The following RHBDD1 variants were observed in gnomAD, a reference collection of about 807,000 sequenced individuals.
RHBDD1 encodes the protein rhomboid-related protein 4.
In RHBDD1, 38 loss-of-function variants were observed where a neutral mutation model predicts 36.3. The observed-to-expected ratio is 1.05, with a 90% confidence interval of 0.81 to 1.37. RHBDD1 has a LOEUF of 1.37. Ranked by LOEUF, RHBDD1 falls within the 40% of genes most tolerant of loss-of-function variation. The pLI, the probability that RHBDD1 is intolerant of heterozygous loss-of-function variation, is 0.00. For missense variants in RHBDD1, 393 were observed against 377.6 expected, an observed-to-expected ratio of 1.04 and a Z score of -0.34; for synonymous variants, 151 against 136.5, an observed-to-expected ratio of 1.11 and a Z score of -0.74.
intron 8 of RHBDD1, among the ~76,000 whole-genome samples, chr2:226,969,990 C>T (rs1953129954): frequency 2.9e-5 from 1 of 35,022 alleles, no homozygotes; most frequent in Non-Finnish European, 5.4e-5. Flanking sequence ...TTACAACTGT[C>T]CCCCCCCCCT....
intron 5 of RHBDD1, among the ~76,000 whole-genome samples, chr2:226,890,965 T>C (rs1049226999): frequency 6.6e-6 from 1 of 152,216 alleles, no homozygotes; most frequent in African/African-American, 2.4e-5. Context: ...ATTAGGATTC[T>C]GTTTCTCCCT....
At chr2:226,806,162 G>C in the RHBDD1 span, among the ~76,000 whole-genome samples, 2 of 151,812 alleles carry the variant, frequency 1.3e-5, no homozygotes. Context: ...AAACTGACTA[G>C]AAGATTAAGG....
intron 3 of RHBDD1, among the ~76,000 whole-genome samples, chr2:226,862,571 T>TC (rs1418437493): frequency 6.6e-6 from 1 of 152,186 alleles, no homozygotes; most frequent in Non-Finnish European, 1.5e-5. Flanking sequence ...AAAAGACTCT[T>TC]CCCTCCAAGC....
At chr2:226,854,686 C>A (rs1943151165) in intron 3 of RHBDD1, among the ~76,000 whole-genome samples, 1 of 151,462 alleles carries the variant, frequency 6.6e-6, no homozygotes, top group Non-Finnish European at 1.5e-5. Context: ...TCATTTGACT[C>A]CAGAGTCCAT....
At chr2:226,909,125 A>C (rs1375901081) in intron 7 of RHBDD1, among the ~76,000 whole-genome samples, 5 of 152,080 alleles carry the variant, frequency 3.3e-5, no homozygotes, top group African/African-American at 9.7e-5. Context: ...GATTGGTATG[A>C]GGTCTCTCAT....
At chr2:226,918,187 T>G (rs1949050921) in intron 8 of RHBDD1, among the ~76,000 whole-genome samples, 2 of 152,056 alleles carry the variant, frequency 1.3e-5, no homozygotes, top group African/African-American at 4.8e-5. Context: ...TTTTTAATTT[T>G]TAATTTTTGT....
chr2:226,990,709 C>T (rs914739835), intron 8 of RHBDD1, among the ~76,000 whole-genome samples: 1 of 152,070 alleles, frequency 6.6e-6, no homozygotes, highest in Admixed American at 6.6e-5. Context: ...TCATCAAGAA[C>T]CACAAATCAA....
the RHBDD1 span, among the ~76,000 whole-genome samples, chr2:226,806,319 A>G: frequency 6.6e-6 from 1 of 152,194 alleles, no homozygotes; most frequent in South Asian, 2.1e-4. Flanking sequence ...GAATTGTTCA[A>G]ATCAAAGCTT....
chr2:226,894,292 C>A (rs551468028), intron 5 of RHBDD1, among the ~76,000 whole-genome samples: 1 of 152,238 alleles, frequency 6.6e-6, no homozygotes, highest in Non-Finnish European at 1.5e-5. Context: ...TTTTTTGAGA[C>A]AGAGTCTCAC....
At chr2:226,817,781 G>A in the RHBDD1 span, among the ~76,000 whole-genome samples, 1 of 152,194 alleles carries the variant, frequency 6.6e-6, no homozygotes, top group Non-Finnish European at 1.5e-5. Flanking sequence ...TTGGGGATTG[G>A]GGTGCTCACG....
intron 5 of RHBDD1, among the ~76,000 whole-genome samples, chr2:226,889,204 A>C (rs771010450): frequency 6.6e-6 from 1 of 152,146 alleles, no homozygotes; most frequent in Non-Finnish European, 1.5e-5. Flanking sequence ...TGTTCTGCTT[A>C]TTCAGTCTGA....
intron 8 of RHBDD1, among the ~76,000 whole-genome samples, chr2:226,952,645 C>T (rs995065983): frequency 6.6e-6 from 1 of 152,140 alleles, no homozygotes; most frequent in African/African-American, 2.4e-5. Flanking sequence ...ACTGGATGTC[C>T]TCCATGCTTT....
intron 8 of RHBDD1, among the ~76,000 whole-genome samples, chr2:226,990,174 G>T (rs1957864147): frequency 6.6e-6 from 1 of 152,140 alleles, no homozygotes; most frequent in Non-Finnish European, 1.5e-5. Context: ...TTCATGTCTT[G>T]CTAAATTGTT....
At chr2:226,881,656 C>T (rs148914463) in intron 5 of RHBDD1, among the ~76,000 whole-genome samples, 30 of 152,308 alleles carry the variant, frequency 2.0e-4, no homozygotes, top group African/African-American at 4.1e-4. Flanking sequence ...TACACACTGT[C>T]GCTGACTTTC....
At chr2:226,942,575 A>G in intron 8 of RHBDD1, 1 of 374,140 alleles carries the variant, frequency 2.7e-6, no homozygotes, top group Non-Finnish European at 5.3e-6. Flanking sequence ...CTGAAAACTC[A>G]GAGGTATGTG....
chr2:226,871,807 A>G (rs553998768), intron 5 of RHBDD1, among the ~76,000 whole-genome samples: 12 of 152,360 alleles, frequency 7.9e-5, no homozygotes, highest in African/African-American at 2.9e-4. Flanking sequence ...ATGTTGCATT[A>G]CGTCAGGAAG....
At chr2:226,832,751 C>G (rs960013885), upstream of RHBDD1, among the ~76,000 whole-genome samples, 6 of 152,122 alleles carry the variant, frequency 3.9e-5, no homozygotes, top group Admixed American at 2.6e-4. Flanking sequence ...GACGCGCTGG[C>G]CTGTAATCCC....
intron 8 of RHBDD1, among the ~76,000 whole-genome samples, chr2:226,989,408 G>A (rs182652865): frequency 7.9e-5 from 12 of 152,340 alleles, no homozygotes; most frequent in Admixed American, 7.2e-4. Context: ...AAGGGGGCTT[G>A]TGGTGGCTTA....
intron 8 of RHBDD1, among the ~76,000 whole-genome samples, chr2:226,983,664 G>C (rs1287404734): frequency 6.6e-6 from 1 of 151,514 alleles, no homozygotes; most frequent in African/African-American, 2.4e-5. Flanking sequence ...ATGTTTACTT[G>C]TACTTTTTTT....
Sources: allele counts gnomAD v4.1 joint callset (sites outside exome capture counted in the v4.1 genomes callset), GRCh38; gene constraint gnomAD v4.1.1; transcripts MANE v1.5; gene names NCBI Gene and HGNC (gene_info 2026-07-23, HGNC 2026-07-21).